INPP4B: variants seen among roughly 807,000 people sequenced by gnomAD.
INPP4B encodes inositol polyphosphate-4-phosphatase type II B, also known as inositol polyphosphate 4-phosphatase type II.
In INPP4B, 55 loss-of-function variants were observed where a neutral mutation model predicts 122.5. The ratio of observed to expected loss-of-function variants is 0.45; its 90% CI spans 0.36 to 0.56. INPP4B has a LOEUF of 0.56. Ranked by LOEUF, INPP4B falls within the 20% of genes least tolerant of loss-of-function variation. The pLI is 0.00. For synonymous variants in INPP4B, 403 were observed against 388.7 expected (o/e 1.04, Z -0.43); for missense variants, 1,000 against 1,097.7 (o/e 0.91, Z 1.26).
At chr4:142,063,125 T>C (rs1460794925) in intron 25 of INPP4B, among the ~76,000 whole-genome samples, 3 of 152,294 alleles carry the variant, frequency 2.0e-5, no homozygotes, top group Admixed American at 6.5e-5. Context: ...GTGGCAAAAA[T>C]ATCAGATTGC....
At chr4:142,677,022 C>T (rs184177310) in intron 2 of INPP4B, among the ~76,000 whole-genome samples, 1 of 152,152 alleles carries the variant, frequency 6.6e-6, no homozygotes, top group East Asian at 1.9e-4. Context: ...AGCTTCTGCA[C>T]AGCAAAAGAA....
chr4:142,608,331 C>T (rs1342530735), intron 2 of INPP4B, among the ~76,000 whole-genome samples: 2 of 152,082 alleles, frequency 1.3e-5, no homozygotes, highest in Non-Finnish European at 2.9e-5. Flanking sequence ...AATACCACAC[C>T]TTTGGCATTA....
intron 2 of INPP4B, among the ~76,000 whole-genome samples, chr4:142,667,287 G>A (rs751572913): frequency 4.6e-5 from 7 of 152,144 alleles, no homozygotes. Context: ...GCTGCAGTTT[G>A]TTTCCCTATA....
intron 2 of INPP4B, among the ~76,000 whole-genome samples, chr4:142,587,879 GAAGA>G (rs1474436896): frequency 6.6e-6 from 1 of 151,816 alleles, no homozygotes; most frequent in Non-Finnish European, 1.5e-5. Flanking sequence ...AGAGACACTA[GAAGA>G]AAGGTAAAGC....
chr4:142,112,544 T>C lies in INPP4B; in HGVS notation c.2274A>G (p.Glu758=). The part of the protein sequence containing the change: ...VGINEQQTLA[E]RFGDVSLQES... ...GCGACTCTTACACCAAAGCTTACCT[T>C]TCAGCCAGAGTTTGCTGTTCATTGA... The change falls in exon 22 of 26, where the codon GAA becomes GAG. Residue 758 remains glutamate (E), a splice_region_variant and synonymous_variant. Coordinates refer to ENST00000262992, the MANE Select transcript of INPP4B (RefSeq NM_001101669.3). 6.2e-7 allele frequency: 1 copy of C among 1,612,828 alleles called. No individual in the cohort carries two copies. Among genetic ancestry groups the C allele is most frequent in the Non-Finnish European group, 8.5e-7 (1 of 1,179,360 alleles).
At chr4:142,363,100 G>C (rs17016001) in intron 7 of INPP4B, among the ~76,000 whole-genome samples, 35,848 of 151,878 alleles carry the variant, frequency 0.24, 4,780 homozygotes, top group East Asian at 0.46. Flanking sequence ...GCGCCATTTA[G>C]CTCAAGAACC....
At chr4:142,054,358 G>GCAAGTT (rs748162292) in intron 25 of INPP4B, among the ~76,000 whole-genome samples, 149 of 151,746 alleles carry the variant, frequency 9.8e-4, no homozygotes, top group Non-Finnish European at 9.0e-4. Flanking sequence ...AATCGCTGCT[G>GCAAGTT]CAAGTTCAAG....
At chr4:142,197,956 G>A (rs1839056683) in intron 14 of INPP4B, among the ~76,000 whole-genome samples, 1 of 152,000 alleles carries the variant, frequency 6.6e-6, no homozygotes, top group Non-Finnish European at 1.5e-5. Context: ...TCTTAGTCAC[G>A]CTTAGATTTT....
At chr4:142,266,165 T>C (rs1742697227) in intron 10 of INPP4B, among the ~76,000 whole-genome samples, 1 of 152,130 alleles carries the variant, frequency 6.6e-6, no homozygotes, top group Non-Finnish European at 1.5e-5. Flanking sequence ...CAAGTGTTCA[T>C]GTGATAGTGA....
chr4:142,029,205 C>T (rs1738262914), intron 25 of INPP4B: 1 of 1,065,794 alleles, frequency 9.4e-7, no homozygotes, highest in African/African-American at 1.7e-5. Context: ...ACTTTAGTTT[C>T]ATAAATATAT....
chr4:142,843,997 A>G (rs1460052378), intron 1 of INPP4B, among the ~76,000 whole-genome samples: 1 of 152,180 alleles, frequency 6.6e-6, no homozygotes, highest in African/African-American at 2.4e-5. Flanking sequence ...CAACTAAAAT[A>G]TAATAGCATT....
chr4:142,693,637 G>A (rs937220543), intron 2 of INPP4B, among the ~76,000 whole-genome samples: 1 of 151,062 alleles, frequency 6.6e-6, no homozygotes, highest in African/African-American at 2.4e-5. Context: ...TTTATTTGAG[G>A]TGCTTTTCCT....
chr4:142,749,361 C>T (rs2150944041), intron 1 of INPP4B, among the ~76,000 whole-genome samples: 1 of 148,892 alleles, frequency 6.7e-6, no homozygotes, highest in East Asian at 2.0e-4. Context: ...TAAACGTGTT[C>T]TTTAAAAAAC....
intron 25 of INPP4B, among the ~76,000 whole-genome samples, chr4:142,030,565 C>T (rs533329318): frequency 6.6e-5 from 10 of 152,268 alleles, no homozygotes; most frequent in Admixed American, 1.3e-4. Flanking sequence ...ATGATATTCA[C>T]ATGGGTTGAT....
At chr4:142,044,986 C>T (rs1750535455) in intron 25 of INPP4B, among the ~76,000 whole-genome samples, 1 of 152,058 alleles carries the variant, frequency 6.6e-6, no homozygotes, top group Non-Finnish European at 1.5e-5. Context: ...GTGACACAAT[C>T]AGAAATTTTT....
chr4:142,819,108 C>A (rs1362729095), intron 1 of INPP4B, among the ~76,000 whole-genome samples: 5 of 152,158 alleles, frequency 3.3e-5, no homozygotes, highest in Non-Finnish European at 5.9e-5. Flanking sequence ...GAAGCCCGAA[C>A]ACTTGTATTC....
chr4:142,377,419 A>C (rs1792336438), intron 7 of INPP4B, among the ~76,000 whole-genome samples: 1 of 152,228 alleles, frequency 6.6e-6, no homozygotes. Context: ...AGCAGTTTGA[A>C]TGATGTCTCA....
intron 2 of INPP4B, among the ~76,000 whole-genome samples, chr4:142,690,325 A>T (rs1054249718): frequency 1.3e-5 from 2 of 152,200 alleles, no homozygotes; most frequent in Non-Finnish European, 2.9e-5. Context: ...TGGACTAGGG[A>T]AGCTCTTCAC....
intron 18 of INPP4B, among the ~76,000 whole-genome samples, chr4:142,124,972 G>C (rs529997254): frequency 8.8e-4 from 134 of 152,182 alleles, no homozygotes; most frequent in African/African-American, 2.9e-3. Flanking sequence ...TCTCCAAGTG[G>C]ATGCATTTAA....
Sources: allele counts gnomAD v4.1 joint callset (sites outside exome capture counted in the v4.1 genomes callset), GRCh38; gene constraint gnomAD v4.1.1; transcripts MANE v1.5; gene names NCBI Gene and HGNC (gene_info 2026-07-23, HGNC 2026-07-21).